The following CAPN12 variants were observed in gnomAD, a reference collection of about 807,000 sequenced individuals.
CAPN12 encodes calpain 12.
Under a neutral mutation model 95.0 loss-of-function variants are expected in CAPN12, and 107 were observed. The ratio of observed to expected loss-of-function variants is 1.13; its 90% CI spans 0.96 to 1.32. The LOEUF (loss-of-function observed/expected upper bound fraction) is 1.32. Among genes scored for constraint, CAPN12 ranks in the 40% most tolerant of loss-of-function variants. CAPN12 has a pLI of 0.00. For synonymous variants in CAPN12, 505 were observed against 415.5 expected (o/e 1.22, Z -2.62); for missense variants, 1,136 against 997.8 (o/e 1.14, Z -1.87).
chr19:38,734,842 T>C lies in CAPN12; in HGVS notation c.1715A>G (p.Gln572Arg), dbSNP rs765520696. 4 of 1,612,562 alleles carry C rather than the reference T, an allele frequency of 2.5e-6. No individual in the cohort carries two copies. The Admixed American group carries it at 6.7e-5, about 27-fold the overall frequency. ...CTCCAGGGCAATGCTTAGTAAGGCC[T>C]GGAGCTGAGAGGCATTGAGTTCTTC... ...EEEELNASQL[Q>R]ALLSIALEPA... is the part of the protein sequence containing the mutation. Residue 572 changes from glutamine (Q) to arginine (R), a missense_variant, in exon 15 of 21, where the codon CAG becomes CGG. Transcript: ENST00000328867.
At position 38,735,410 on chromosome 19, in the gene CAPN12, T is replaced by G. The variant is rs765257261; in HGVS notation, c.1646A>C (p.Glu549Ala). 82 of 1,608,920 alleles carry G rather than the reference T, an allele frequency of 5.1e-5. No homozygotes were observed. Among genetic ancestry groups the G allele is most frequent in the Non-Finnish European group, 6.2e-5 (73 of 1,177,838 alleles). The change falls in exon 14 of 21, where the codon GAG becomes GCG. Residue 549 changes from glutamate to alanine, a missense_variant. By Grantham distance (107) the Glu-to-Ala change is moderately radical. Transcript: ENST00000328867. ...CTGAAACAGCTGCTCCAACCCCAGC[T>G]CCAGGGGCAGGTAGGGGCCCTGCCG... Reference protein sequence around the residue: ...QSLQGPYLPLELGLEQLFQEL... With the variant: ...QSLQGPYLPLALGLEQLFQEL...
chr19:38,736,617 C>G, intron 10 of CAPN12, 54 bp from the exon 11 acceptor site: 1 of 1,401,506 alleles, frequency 7.1e-7, no homozygotes, highest in South Asian at 1.4e-5. Flanking sequence ...GGCCGCCGCT[C>G]AGGGTCTCCT....
chr19:38,737,748 A>G (rs1233419948), intron 8 of CAPN12, 110 bp from the exon 9 acceptor site: 1 of 1,344,884 alleles, frequency 7.4e-7, no homozygotes, highest in East Asian at 2.6e-5. Flanking sequence ...AATATTGTCA[A>G]ATACCCTTCA....
In CAPN12 at chr19:38,738,327, AGT is replaced by A. The variant is rs1250611181; in HGVS notation, c.909_910del (p.Leu304ProfsTer71). ...CAGGGCATCGCGGCACTCGGTGGGG[AGT>A]GTGTCCCAGCGTGGGCAGCTGGAGA... On this transcript the variant is annotated frameshift_variant, in exon 8 of 21. Coordinates refer to ENST00000328867, the MANE Select transcript of CAPN12 (RefSeq NM_144691.4). LOFTEE classifies it high-confidence loss of function. 6.2e-7 allele frequency: 1 copy of A among 1,611,918 alleles called. No homozygotes were observed. The highest frequency in any genetic ancestry group is 2.2e-5 in the East Asian group (1 of 44,858).
In CAPN12 at chr19:38,742,328, C is replaced by CAA. The variant is rs35341175; in HGVS notation, c.426+80_426+81dup. On this transcript the variant is annotated intron_variant, in intron 3 of 20. Coordinates refer to ENST00000328867, the MANE Select transcript of CAPN12 (RefSeq NM_144691.4). ...TGGATGACAGAGTGAGATTCCATCT[C>CAA]AAAAAAAAAAAAAAAGAAAAATCCA... is the stretch of plus-strand genomic sequence containing the variant. 6.1e-3 allele frequency: 5,004 copies of CAA among 814,410 alleles called. 2 individuals carry two copies. Among genetic ancestry groups the CAA allele is most frequent in the South Asian group, 9.8e-3 (627 of 64,140 alleles). 50.4% of individuals were successfully genotyped at this position (814,410 alleles called of 1,614,324 possible).
At position 38,744,013 on chromosome 19, in the gene CAPN12, GAAGT is replaced by G; in HGVS notation, c.149_152del (p.Tyr50SerfsTer23). ...AGCCAAGGGCATCAGGGCCAGCAGG[GAAGT>G]AAGGGTCGCGGAACAGGATCCCCGA... On this transcript the variant is annotated frameshift_variant, in exon 1 of 21. Coordinates refer to ENST00000328867, the MANE Select transcript of CAPN12 (RefSeq NM_144691.4). LOFTEE classifies it high-confidence loss of function. The G allele has an allele frequency of 6.2e-7, 1 of 1,614,220 alleles. No individual in the cohort carries two copies. Among genetic ancestry groups the G allele is most frequent in the African/African-American group, 1.3e-5 (1 of 75,068 alleles).
intron 10 of CAPN12, 62 bp from the exon 11 acceptor site, chr19:38,736,625 C>CCTCCCTGCCCCTTCTCACCTCTGTGCTCT: frequency 7.3e-7 from 1 of 1,374,056 alleles, no homozygotes; most frequent in Non-Finnish European, 9.9e-7. Context: ...CTCAGGGTCT[C>CCTCCCTGCCCCTTCTCACCTCTGTGCTCT]CTCCCTGCCC....
rs1200044302 is a variant in CAPN12 at position 38,738,326 on chromosome 19, G to C, written c.912C>G (p.Leu304=). The C allele has an allele frequency of 6.2e-7, 1 of 1,612,104 alleles. No individual in the cohort carries two copies. The highest frequency in any genetic ancestry group is 2.2e-5 in the East Asian group (1 of 44,876). The change falls in exon 8 of 21, where the codon CTC becomes CTG. Residue 304 remains leucine, a synonymous_variant. Transcript: ENST00000328867. ...WSDSCPRWDT[L]PTECRDALLV... is the part of the protein sequence containing the mutation. Reference sequence around the variant, plus strand: ...GCAGGGCATCGCGGCACTCGGTGGGGAGTGTGTCCCAGCGTGGGCAGCTGG... The same window carrying C: ...GCAGGGCATCGCGGCACTCGGTGGGCAGTGTGTCCCAGCGTGGGCAGCTGG...
Position 38,730,954 on chromosome 19 carries a change from A to C in CAPN12, c.2133+11T>G, listed in dbSNP as rs1421992676. 12 of 1,550,376 alleles carry C rather than the reference A, an allele frequency of 7.7e-6. No homozygotes were observed. Among genetic ancestry groups the C allele is most frequent in the East Asian group, 2.4e-5 (1 of 40,942 alleles). ...GAGCCTGAGCCACCCTGTCCCTCCCACCTGGCTCACCTGTCTGTGGGTCAG... is the reference window on the plus strand; with the variant it reads ...GAGCCTGAGCCACCCTGTCCCTCCCCCCTGGCTCACCTGTCTGTGGGTCAG... On this transcript the variant is annotated intron_variant, in intron 20 of 20. Transcript: ENST00000328867.
intron 3 of CAPN12, 31 bp downstream of exon 3, chr19:38,742,379 C>T (rs749444062): frequency 6.2e-6 from 9 of 1,451,612 alleles, no homozygotes; most frequent in Middle Eastern, 1.7e-4. Flanking sequence ...ATGGGGGAAA[C>T]GGAGGCATGG....
Position 38,730,972 on chromosome 19 carries a change from T to TG in CAPN12, c.2125dup (p.His709ProfsTer27). On this transcript the variant is annotated frameshift_variant, in exon 20 of 21. Coordinates refer to ENST00000328867, the MANE Select transcript of CAPN12 (RefSeq NM_144691.4). LOFTEE classifies it high-confidence loss of function. ...CCCTCCCACCTGGCTCACCTGTCTGTGGGTCAGGCAGATGACCCCCTCACC... is the reference window on the plus strand; with the variant it reads ...CCCTCCCACCTGGCTCACCTGTCTGTGGGGTCAGGCAGATGACCCCCTCACC... The TG allele has an allele frequency of 6.4e-7, 1 of 1,550,842 alleles. No homozygotes were observed. Among genetic ancestry groups the TG allele is most frequent in the Non-Finnish European group, 8.7e-7 (1 of 1,147,168 alleles).
At chr19:38,733,965 G>A (rs1049413055) in intron 17 of CAPN12, 177 bp downstream of exon 17, 7 of 794,152 alleles carry the variant, frequency 8.8e-6, no homozygotes, top group South Asian at 5.3e-5. Context: ...TAAGAGCAAT[G>A]ACCCAGAGGA....
chr19:38,742,126 C>A (rs1460731634), intron 3 of CAPN12: 1 of 643,928 alleles, frequency 1.6e-6, no homozygotes, highest in East Asian at 2.8e-5. Flanking sequence ...GAATTCGAGA[C>A]CAGCCTGGCT....
chr19:38,734,036 C>A, intron 17 of CAPN12, 106 bp downstream of exon 17: 2 of 1,268,044 alleles, frequency 1.6e-6, no homozygotes, highest in Non-Finnish European at 2.2e-6. Flanking sequence ...TCAGCCTAGT[C>A]CAGTACCCCC....
chr19:38,738,991 G>T, intron 5 of CAPN12: 1 of 358,094 alleles, frequency 2.8e-6, no homozygotes, highest in South Asian at 2.5e-5. Flanking sequence ...AATTCAACAG[G>T]CGTGGTGGTG....
rs779040097 is a variant in CAPN12, at chr19:38,742,504, G to T, written c.332C>A (p.Ala111Asp). ...CCGGGGATACAGAGTAAGGGAGGCG[G>T]CAGCTGCAAGGAACCAGCAGTTACC... ...SLGNCWFLAAAASLTLYPRLL... is the reference protein window; with the variant it reads ...SLGNCWFLAADASLTLYPRLL... The change falls in exon 3 of 21, where the codon GCC becomes GAC. Residue 111 changes from alanine to aspartate, a missense_variant. Physicochemically the swap from Ala to Asp is moderately radical, Grantham distance 126. Transcript: ENST00000328867. 6.2e-7 allele frequency: 1 copy of T among 1,612,958 alleles called. No homozygotes were observed. Among genetic ancestry groups the T allele is most frequent in the Non-Finnish European group, 8.5e-7 (1 of 1,179,400 alleles).
At chr19:38,735,682 G>C in intron 12 of CAPN12, 138 bp from the exon 13 acceptor site, 1 of 57,880 alleles carries the variant, frequency 1.7e-5, no homozygotes, top group South Asian at 1.0e-3. Context: ...CGGGGCGGGG[G>C]TTCTGGGGGC....
Position 38,740,157 on chromosome 19 carries a change from G to A in CAPN12, c.623C>T (p.Thr208Ile). The A allele has an allele frequency of 6.2e-7, 1 of 1,613,396 alleles. No individual in the cohort carries two copies. Among genetic ancestry groups the A allele is most frequent in the Non-Finnish European group, 8.5e-7 (1 of 1,179,740 alleles). Residue 208 changes from threonine (T) to isoleucine (I), a missense_variant, in exon 5 of 21, where the codon ACA becomes ATA. Transcript: ENST00000328867. The stretch of plus-strand genomic sequence containing the variant: ...ATAGAGCACCTCGCCCACGCCGCCT[G>A]TGAAATCCACAAAAGCCTCATTCAT... ...GHMNEAFVDF[T>I]GGVGEVLYLR... is the part of the protein sequence containing the mutation.
In CAPN12 at chr19:38,730,557, T is replaced by G. The variant is rs1312221593; in HGVS notation, c.*295A>C. 4.1e-6 allele frequency: 2 copies of G among 485,848 alleles called. No homozygotes were observed. The highest frequency in any genetic ancestry group is 3.8e-5 in the African/African-American group (2 of 52,044). 30.1% of individuals were successfully genotyped at this position (485,848 alleles called of 1,614,324 possible). Reference sequence around the variant, plus strand: ...TTCCTGCAGCATCATCTTTTTTTATTTCTCCTGTGTCTGTCCTCCACCTTC... The same window carrying G: ...TTCCTGCAGCATCATCTTTTTTTATGTCTCCTGTGTCTGTCCTCCACCTTC... On this transcript the variant is annotated 3_prime_UTR_variant, in exon 21 of 21. Coordinates refer to ENST00000328867, the MANE Select transcript of CAPN12 (RefSeq NM_144691.4).
Sources: gnomAD v4.1 joint callset for allele counts on GRCh38, gnomAD v4.1.1 for gene constraint, MANE v1.5 for transcripts, NCBI Gene and HGNC (gene_info 2026-07-23, HGNC 2026-07-21) for gene names.